Variants in FBXL17 observed in about 807,000 individuals in gnomAD.
The protein encoded by FBXL17 is F-box/LRR-repeat protein 17.
A neutral mutation model predicts 66.2 loss-of-function variants in FBXL17; 22 were observed. The observed-to-expected ratio is 0.33, with a 90% CI of 0.24 to 0.47. FBXL17 has a LOEUF of 0.47. FBXL17 is among the 20% of genes least tolerant of loss of function. The probability of loss-of-function intolerance (pLI) is 1.00; values close to 1 mark genes in which losing one functional copy is unlikely to be tolerated. For synonymous variants in FBXL17, 474 were observed against 400.5 expected, an observed-to-expected ratio of 1.18 and a Z score of -2.19; for missense variants, 878 against 948.2, an observed-to-expected ratio of 0.93 and a Z score of 0.97.
At chr5:107,935,417 G>GTGTGTA (rs1353287687) in intron 7 of FBXL17, among the ~76,000 whole-genome samples, 1 of 151,588 alleles carries the variant, frequency 6.6e-6, no homozygotes, top group East Asian at 1.9e-4. Context: ...ATATATGTGT[G>GTGTGTA]TGTGTGTGTG....
At chr5:108,047,329 G>A (rs977259369) in intron 6 of FBXL17, among the ~76,000 whole-genome samples, 12 of 152,142 alleles carry the variant, frequency 7.9e-5, no homozygotes, top group Admixed American at 3.9e-4. Context: ...GATCCCAGTC[G>A]TGAACCTACA....
intron 6 of FBXL17, among the ~76,000 whole-genome samples, chr5:108,100,921 G>A (rs916775990): frequency 6.6e-6 from 1 of 152,062 alleles, no homozygotes; most frequent in South Asian, 2.1e-4. Flanking sequence ...AAATACAGAT[G>A]GAGCTGTAAA....
intron 6 of FBXL17, among the ~76,000 whole-genome samples, chr5:108,163,165 A>G (rs1433303701): frequency 6.6e-6 from 1 of 152,166 alleles, no homozygotes; most frequent in East Asian, 1.9e-4. Context: ...TAATTAGAAG[A>G]CAGTTACAAC....
intron 4 of FBXL17, among the ~76,000 whole-genome samples, chr5:108,283,837 A>G (rs1375399621): frequency 2.6e-5 from 4 of 151,902 alleles, no homozygotes; most frequent in Admixed American, 1.3e-4. Flanking sequence ...CTCACCAACA[A>G]CCAAAGACTA....
At chr5:108,322,342 A>G (rs1759656971) in intron 4 of FBXL17, among the ~76,000 whole-genome samples, 1 of 151,966 alleles carries the variant, frequency 6.6e-6, no homozygotes, top group Non-Finnish European at 1.5e-5. Context: ...AATTCTAGAC[A>G]ACACTTTCAG....
chr5:108,292,030 A>C (rs1234902412), intron 4 of FBXL17, among the ~76,000 whole-genome samples: 2 of 152,148 alleles, frequency 1.3e-5, no homozygotes, highest in African/African-American at 2.4e-5. Context: ...TAATTCAAAA[A>C]TGTAAATGGA....
intron 4 of FBXL17, chr5:108,302,045 C>A: frequency 1.0e-6 from 1 of 984,596 alleles, no homozygotes; most frequent in South Asian, 4.7e-5. Context: ...TGTGCGCCAA[C>A]CCATCATATG....
At chr5:108,059,923 T>C (rs59255510) in intron 6 of FBXL17, among the ~76,000 whole-genome samples, 6,608 of 151,644 alleles carry the variant, frequency 0.044, 483 homozygotes, top group African/African-American at 0.15. Flanking sequence ...AGTGGAAATG[T>C]ATATAAATTA....
chr5:108,229,044 C>A (rs962829989), intron 4 of FBXL17, among the ~76,000 whole-genome samples: 1 of 152,000 alleles, frequency 6.6e-6, no homozygotes, highest in African/African-American at 2.4e-5. Flanking sequence ...GCAGCACTGA[C>A]GTCACTTTGG....
intron 4 of FBXL17, among the ~76,000 whole-genome samples, chr5:108,309,599 C>T (rs1759018101): frequency 1.3e-5 from 2 of 151,876 alleles, no homozygotes; most frequent in Non-Finnish European, 2.9e-5. Flanking sequence ...AACTAATGTT[C>T]TATTTGATTA....
At chr5:108,092,945 T>C (rs1749239458) in intron 6 of FBXL17, among the ~76,000 whole-genome samples, 1 of 152,168 alleles carries the variant, frequency 6.6e-6, no homozygotes, top group Admixed American at 6.5e-5. Context: ...AAACATATAA[T>C]CAATGTGTGA....
intron 7 of FBXL17, among the ~76,000 whole-genome samples, chr5:107,987,424 G>A (rs894032000): frequency 1.3e-5 from 2 of 152,054 alleles, no homozygotes; most frequent in Admixed American, 1.3e-4. Context: ...TTTATTTTAA[G>A]ATAATAATAA....
intron 4 of FBXL17, among the ~76,000 whole-genome samples, chr5:108,286,270 T>C (rs995594785): frequency 2.6e-5 from 4 of 151,782 alleles, no homozygotes; most frequent in African/African-American, 4.8e-5. Context: ...ATATTCAACA[T>C]AGTACTGGAA....
At chr5:107,893,233 G>A (rs1430599595) in intron 7 of FBXL17, among the ~76,000 whole-genome samples, 1 of 152,172 alleles carries the variant, frequency 6.6e-6, no homozygotes, top group African/African-American at 2.4e-5. Context: ...AGAATAAACA[G>A]GATGGATGCT....
chr5:107,909,878 T>C (rs563713681), intron 7 of FBXL17, among the ~76,000 whole-genome samples: 1 of 152,294 alleles, frequency 6.6e-6, no homozygotes, highest in South Asian at 2.1e-4. Flanking sequence ...ATTTCAGGAA[T>C]AAAAGTCAGT....
At chr5:107,988,330 GTCAACA>G (rs1318479579) in intron 7 of FBXL17, among the ~76,000 whole-genome samples, 3 of 151,350 alleles carry the variant, frequency 2.0e-5, no homozygotes, top group Non-Finnish European at 4.4e-5. Flanking sequence ...GAACTTACTG[GTCAACA>G]CTTTCCCTCC....
chr5:108,086,917 G>A lies in FBXL17; in HGVS notation c.1746-65916C>T, dbSNP rs536903051. 2.0e-5 allele frequency among the ~76,000 whole-genome samples: 3 copies of A among 150,486 alleles called. No homozygotes were observed. In the South Asian group the frequency reaches 6.2e-4, roughly 31 times the overall value. On this transcript the variant is annotated intron_variant, in intron 6 of 8. Coordinates refer to ENST00000542267, the MANE Select transcript of FBXL17 (RefSeq NM_001163315.3). ...AATCACACCCTTTCACCACTACCGT[G>A]GCATACCACCAGATGGTCTTTCCTT...
chr5:108,351,786 A>G (rs1347351427), intron 3 of FBXL17, among the ~76,000 whole-genome samples: 1 of 152,238 alleles, frequency 6.6e-6, no homozygotes, highest in Non-Finnish European at 1.5e-5. Context: ...TACACAAGCT[A>G]GAAAAACGGA....
chr5:108,053,701 G>A (rs938871193), intron 6 of FBXL17, among the ~76,000 whole-genome samples: 1 of 152,176 alleles, frequency 6.6e-6, no homozygotes, highest in African/African-American at 2.4e-5. Context: ...AAGACAGTAT[G>A]GCAATTCCTC....
Sources: gnomAD v4.1 joint callset for allele counts (sites outside exome capture counted in the v4.1 genomes callset) on GRCh38, gnomAD v4.1.1 for gene constraint, MANE v1.5 for transcripts, NCBI Gene and HGNC (gene_info 2026-07-23, HGNC 2026-07-21) for gene names.